The following ADAMTS3 variants were observed in gnomAD, a reference collection of about 807,000 sequenced individuals.
ADAMTS3 encodes A disintegrin and metalloproteinase with thrombospondin motifs 3.
A neutral mutation model predicts 129.0 loss-of-function variants in ADAMTS3; 73 were observed. The observed-to-expected ratio is 0.57, with a 90% confidence interval of 0.47 to 0.69. ADAMTS3 has a LOEUF of 0.69. Among genes scored for constraint, ADAMTS3 ranks in the 30% least tolerant of loss-of-function variants. The pLI is 0.00. For synonymous variants in ADAMTS3, 477 were observed against 510.8 expected (o/e 0.93, Z 0.89); for missense variants, 1,457 against 1,514.5 (o/e 0.96, Z 0.63).
At chr4:72,316,040 A>G in intron 10 of ADAMTS3, 69 bp from the exon 11 acceptor site, 1 of 884,468 alleles carries the variant, frequency 1.1e-6, no homozygotes, top group South Asian at 1.8e-5. Context: ...AATATATTCT[A>G]TACAGTTTCT....
At chr4:72,424,575 G>A (rs1408223989) in intron 3 of ADAMTS3, among the ~76,000 whole-genome samples, 1 of 151,966 alleles carries the variant, frequency 6.6e-6, no homozygotes, top group Non-Finnish European at 1.5e-5. Flanking sequence ...TAAAACGCCT[G>A]CCTAGAATGA....
At chr4:72,406,577 C>T (rs546622249) in intron 4 of ADAMTS3, among the ~76,000 whole-genome samples, 1 of 152,140 alleles carries the variant, frequency 6.6e-6, no homozygotes, top group South Asian at 2.1e-4. Context: ...TTCAAACTAT[C>T]TGAGTTAGTT....
intron 2 of ADAMTS3, among the ~76,000 whole-genome samples, chr4:72,551,084 C>G (rs1053088273): frequency 6.6e-6 from 1 of 152,164 alleles, no homozygotes; most frequent in African/African-American, 2.4e-5. Flanking sequence ...GAGTGTCTGG[C>G]TGTCCCAGTA....
At chr4:72,369,771 C>CT (rs1386681318) in intron 4 of ADAMTS3, among the ~76,000 whole-genome samples, 1 of 138,614 alleles carries the variant, frequency 7.2e-6, no homozygotes, top group Non-Finnish European at 1.6e-5. Context: ...AAAAAAAAAA[C>CT]TTTGAAGGTG....
intron 19 of ADAMTS3, among the ~76,000 whole-genome samples, chr4:72,293,360 G>A (rs112248557): frequency 0.01 from 1,523 of 152,058 alleles, 14 homozygotes; most frequent in African/African-American, 0.035. Context: ...AAGACATGAG[G>A]TTTATCCTCT....
chr4:72,489,475 C>T (rs1719682025), intron 3 of ADAMTS3, among the ~76,000 whole-genome samples: 1 of 151,922 alleles, frequency 6.6e-6, no homozygotes, highest in Admixed American at 6.6e-5. Context: ...CCAGCAAGTC[C>T]TTGCTGTCTA....
At chr4:72,494,709 TG>T (rs1719829994) in intron 3 of ADAMTS3, among the ~76,000 whole-genome samples, 1 of 152,206 alleles carries the variant, frequency 6.6e-6, no homozygotes. Flanking sequence ...CCAGACTTTA[TG>T]AACTGGCTTC....
intron 3 of ADAMTS3, among the ~76,000 whole-genome samples, chr4:72,500,018 A>G (rs968037979): frequency 4.6e-5 from 7 of 152,078 alleles, no homozygotes; most frequent in Non-Finnish European, 1.0e-4. Flanking sequence ...TCTTTATCCA[A>G]TCCACGACTG....
At chr4:72,312,536 G>A (rs889087922) in intron 12 of ADAMTS3, 70 bp from the exon 13 acceptor site, 49 of 1,493,000 alleles carry the variant, frequency 3.3e-5, no homozygotes, top group Non-Finnish European at 3.8e-5. Context: ...CAGACACAGT[G>A]CTTGAGGGCA....
intron 2 of ADAMTS3, among the ~76,000 whole-genome samples, chr4:72,549,646 C>T (rs970808491): frequency 1.3e-5 from 2 of 151,824 alleles, no homozygotes; most frequent in Non-Finnish European, 2.9e-5. Flanking sequence ...TATGCAGGTA[C>T]TGGTTAGTCA....
At chr4:72,378,477 G>T (rs561352268) in intron 4 of ADAMTS3, among the ~76,000 whole-genome samples, 1 of 152,206 alleles carries the variant, frequency 6.6e-6, no homozygotes, top group African/African-American at 2.4e-5. Context: ...GTTATTAGCA[G>T]AAACTTCCGT....
intron 5 of ADAMTS3, among the ~76,000 whole-genome samples, chr4:72,331,874 A>G (rs1719861898): frequency 6.6e-6 from 1 of 152,206 alleles, no homozygotes; most frequent in Non-Finnish European, 1.5e-5. Context: ...TCATGTTTAC[A>G]TAGTACTTTG....
chr4:72,552,725 A>T (rs1244773095), intron 2 of ADAMTS3, among the ~76,000 whole-genome samples: 3 of 152,114 alleles, frequency 2.0e-5, no homozygotes. Context: ...TCCTCTGCCA[A>T]AGGATCTTTC....
At chr4:72,560,244 C>T (rs1721871253) in intron 2 of ADAMTS3, among the ~76,000 whole-genome samples, 1 of 147,846 alleles carries the variant, frequency 6.8e-6, no homozygotes, top group Admixed American at 6.7e-5. Flanking sequence ...CCTATAAAAA[C>T]CCTAAAAGAA....
At chr4:72,452,075 G>A (rs1195741479) in intron 3 of ADAMTS3, among the ~76,000 whole-genome samples, 1 of 151,714 alleles carries the variant, frequency 6.6e-6, no homozygotes, top group Non-Finnish European at 1.5e-5. Context: ...TCCAGCCTGA[G>A]TGAGACCCAG....
chr4:72,517,899 TG>T (rs1720540023), intron 3 of ADAMTS3, among the ~76,000 whole-genome samples: 2 of 151,316 alleles, frequency 1.3e-5, no homozygotes, highest in South Asian at 4.2e-4. Context: ...TGTTTGCTCT[TG>T]CTTTTCTAGT....
chr4:72,306,238 C>A (rs1719087557), intron 15 of ADAMTS3, among the ~76,000 whole-genome samples, 171 bp from the exon 16 acceptor site: 1 of 151,898 alleles, frequency 6.6e-6, no homozygotes, highest in Non-Finnish European at 1.5e-5. Context: ...TTTGTGACAT[C>A]CAACATGAAA....
chr4:72,443,307 G>A (rs370494706), intron 3 of ADAMTS3, among the ~76,000 whole-genome samples: 21 of 151,514 alleles, frequency 1.4e-4, no homozygotes, highest in African/African-American at 3.1e-4. Context: ...ATAATTATGC[G>A]TTCATTCATT....
intron 3 of ADAMTS3, among the ~76,000 whole-genome samples, chr4:72,528,607 G>T (rs1318320177): frequency 1.3e-5 from 2 of 149,672 alleles, no homozygotes; most frequent in Non-Finnish European, 3.0e-5. Context: ...GAGGAAAAAA[G>T]AACTTATGCA....
Sources: allele counts gnomAD v4.1 joint callset (sites outside exome capture counted in the v4.1 genomes callset), GRCh38; gene constraint gnomAD v4.1.1; transcripts MANE v1.5; gene names NCBI Gene and HGNC (gene_info 2026-07-23, HGNC 2026-07-21).